ENAH: variants seen among roughly 807,000 people sequenced by gnomAD.
ENAH encodes the protein ENAH actin regulator, also known as protein enabled homolog.
ENAH carries 23 observed loss-of-function variants against 78.7 expected under a neutral mutation model. That is an observed-to-expected ratio of 0.29 (90% CI 0.21 to 0.41). ENAH has a LOEUF of 0.41. ENAH is among the 10% of genes least tolerant of loss of function. ENAH has a pLI of 1.00. For missense variants in ENAH, 544 were observed against 691.0 expected (o/e 0.79, Z 2.39); for synonymous variants, 226 against 241.0 (o/e 0.94, Z 0.58).
chr1:225,646,458 G>A (rs532845717), intron 1 of ENAH, among the ~76,000 whole-genome samples: 1 of 152,058 alleles, frequency 6.6e-6, no homozygotes, highest in South Asian at 2.1e-4. Flanking sequence ...GCCAGGAAGA[G>A]AACCCTCACC....
intron 3 of ENAH, among the ~76,000 whole-genome samples, chr1:225,534,634 ATCTC>A (rs763554708): frequency 1.9e-4 from 29 of 151,948 alleles, no homozygotes; most frequent in Non-Finnish European, 3.1e-4. Flanking sequence ...TAATAACTTT[ATCTC>A]TCTCATAAAA....
chr1:225,636,235 C>T (rs1437822623), intron 1 of ENAH, among the ~76,000 whole-genome samples: 1 of 152,070 alleles, frequency 6.6e-6, no homozygotes, highest in Non-Finnish European at 1.5e-5. Flanking sequence ...TTTGTAAAGC[C>T]CTTACTGTAT....
chr1:225,577,983 T>C lies in ENAH; in HGVS notation c.6-10569A>G, dbSNP rs1185888375. 2.6e-5 allele frequency among the ~76,000 whole-genome samples: 4 copies of C among 152,308 alleles called. No homozygotes were observed. In the East Asian group the frequency reaches 5.8e-4, roughly 22 times the overall value. ...ATCATGAATTCCTCTTACTTAAGTA[T>C]AGAATCTGCAAAATTCAATAAATGT... On this transcript the variant is annotated intron_variant, in intron 1 of 13. Coordinates refer to ENST00000366843, the MANE Select transcript of ENAH (RefSeq NM_018212.6).
Position 225,514,669 on chromosome 1 carries a change from A to G in ENAH, c.1145T>C (p.Met382Thr), listed in dbSNP as rs1479388138. Residue 382 changes from methionine (M) to threonine (T), a missense_variant, in exon 7 of 14, where the codon ATG becomes ACG. Met to Thr is a moderately conservative substitution (Grantham distance 81). Around this residue, in one of 4 missense-constraint regions of ENAH, gnomAD observed 366 missense variants for 396.1 expected, o/e 0.92. Coordinates refer to ENST00000366843, the MANE Select transcript of ENAH (RefSeq NM_018212.6). ...LPASGFFLAS[M>T]SEDNRPLTGL... is the part of the protein sequence containing the mutation. ...AGTTAAAGGGCGATTGTCTTCTGAC[A>G]TGGATGCCAAAAAGAATCCAGATGC... is the stretch of plus-strand genomic sequence containing the variant. 3 of 1,487,646 alleles carry G rather than the reference A, an allele frequency of 2.0e-6. No individual in the cohort carries two copies. The highest frequency in any genetic ancestry group is 1.1e-5 in the South Asian group (1 of 89,186). The allele number at this position is 1,487,646 out of a possible 1,614,324, so 92.2% of individuals were successfully genotyped here. A position where few individuals can be genotyped will look rare whatever the true frequency, so the allele number is the denominator to read the frequency against.
At chr1:225,613,075 G>A (rs2097000446) in intron 1 of ENAH, among the ~76,000 whole-genome samples, 1 of 152,120 alleles carries the variant, frequency 6.6e-6, no homozygotes, top group African/African-American at 2.4e-5. Context: ...TTTTGCTACG[G>A]ACACTATTTT....
intron 1 of ENAH, among the ~76,000 whole-genome samples, chr1:225,619,034 A>T (rs1032345758): frequency 6.6e-6 from 1 of 152,158 alleles, no homozygotes; most frequent in African/African-American, 2.4e-5. Flanking sequence ...CTCCCAAATC[A>T]GCATTACTCA....
chr1:225,586,531 A>T (rs2096847925), intron 1 of ENAH, among the ~76,000 whole-genome samples: 1 of 152,204 alleles, frequency 6.6e-6, no homozygotes, highest in Non-Finnish European at 1.5e-5. Context: ...ACACAAAGAT[A>T]TTACAAATAA....
chr1:225,517,915 G>T (rs1380296588), intron 5 of ENAH: 1 of 1,550,954 alleles, frequency 6.4e-7, no homozygotes, highest in Admixed American at 2.0e-5. Context: ...GTATGATGGA[G>T]GAGGTGCTGA....
At chr1:225,511,154 G>A (rs756297310) in intron 10 of ENAH, among the ~76,000 whole-genome samples, 4 of 152,162 alleles carry the variant, frequency 2.6e-5, no homozygotes, top group Admixed American at 6.5e-5. Flanking sequence ...AACTCATCAA[G>A]TTTATTTATG....
chr1:225,513,674 T>G (rs148617364), intron 7 of ENAH, among the ~76,000 whole-genome samples: 1 of 152,214 alleles, frequency 6.6e-6, no homozygotes, highest in Non-Finnish European at 1.5e-5. Context: ...TGTCTCTGAG[T>G]TACTCTCAAA....
rs1316312627 is a variant in ENAH, at chr1:225,493,941, T to C, written c.*3834A>G. ...TTACAAGAGACATAAAAGTTGTAGC[T>C]AGGTAAATTTAAAAGATTATCATGT... On this transcript the variant is annotated 3_prime_UTR_variant, in exon 14 of 14. Transcript: ENST00000366843. 1 of 151,250 alleles carries C rather than the reference T, an allele frequency of 6.6e-6. No individual in the cohort carries two copies. The highest frequency in any genetic ancestry group is 1.5e-5 in the Non-Finnish European group (1 of 67,910). 9.4% of individuals were successfully genotyped at this position (151,250 alleles called of 1,614,324 possible). A position where few individuals can be genotyped will look rare whatever the true frequency, so the allele number is the denominator to read the frequency against.
chr1:225,620,354 C>T (rs1179116514), intron 1 of ENAH, among the ~76,000 whole-genome samples: 1 of 151,670 alleles, frequency 6.6e-6, no homozygotes, highest in African/African-American at 2.4e-5. Context: ...GGTGAAACCC[C>T]GTATCTACCA....
chr1:225,558,364 C>T (rs78342576), intron 2 of ENAH, among the ~76,000 whole-genome samples: 3,954 of 152,122 alleles, frequency 0.026, 60 homozygotes, highest in Non-Finnish European at 0.042. Flanking sequence ...AAGTTTTCTT[C>T]CTTTTACTTC....
intron 1 of ENAH, among the ~76,000 whole-genome samples, chr1:225,582,338 G>GTATT (rs1157110357): frequency 1.3e-5 from 2 of 152,288 alleles, no homozygotes; most frequent in East Asian, 3.9e-4. Context: ...CCAAGCTCAG[G>GTATT]TATTTATTTA....
At chr1:225,589,938 G>T (rs1458598319) in intron 1 of ENAH, among the ~76,000 whole-genome samples, 1 of 152,068 alleles carries the variant, frequency 6.6e-6, no homozygotes, top group Admixed American at 6.6e-5. Flanking sequence ...CATTAGAGGG[G>T]AAAAGAATGT....
chr1:225,634,332 A>C (rs553111816), intron 1 of ENAH, among the ~76,000 whole-genome samples: 1 of 152,348 alleles, frequency 6.6e-6, no homozygotes, highest in South Asian at 2.1e-4. Flanking sequence ...CTTATATAGT[A>C]GTTGCTGACA....
intron 3 of ENAH, among the ~76,000 whole-genome samples, chr1:225,533,647 CTG>C (rs1172848650): frequency 2.0e-5 from 3 of 152,108 alleles, no homozygotes; most frequent in Non-Finnish European, 2.9e-5. Context: ...ATAGCAAAGT[CTG>C]TGAGTTACTG....
intron 1 of ENAH, among the ~76,000 whole-genome samples, chr1:225,586,023 G>A (rs1466965086): frequency 6.6e-6 from 1 of 151,944 alleles, no homozygotes; most frequent in African/African-American, 2.4e-5. Context: ...AGACCAGCCT[G>A]GGCAACAAGG....
chr1:225,642,660 TAGGCTTTGAG>T (rs1351368191), intron 1 of ENAH, among the ~76,000 whole-genome samples: 1 of 152,178 alleles, frequency 6.6e-6, no homozygotes, highest in East Asian at 1.9e-4. Flanking sequence ...ACAGCTTTAC[TAGGCTTTGAG>T]ATGCTTTGTT....
Sources: allele counts gnomAD v4.1 joint callset (sites outside exome capture counted in the v4.1 genomes callset), GRCh38; gene constraint gnomAD v4.1.1; regional missense constraint gnomAD v4.1.1; transcripts MANE v1.5; gene names NCBI Gene and HGNC (gene_info 2026-07-23, HGNC 2026-07-21).